The following LRIG1 variants were observed in gnomAD, a reference collection of about 807,000 sequenced individuals.
The protein encoded by LRIG1 is leucine-rich repeats and immunoglobulin-like domains protein 1.
In LRIG1, 48 loss-of-function variants were observed where a neutral mutation model predicts 99.2. The observed-to-expected ratio is 0.48, with a 90% CI of 0.38 to 0.62. LRIG1 has a LOEUF of 0.62. LRIG1 is among the 20% of genes least tolerant of loss of function. The pLI is 0.00. For synonymous variants in LRIG1, 772 were observed against 596.1 expected (o/e 1.29, Z -4.30); for missense variants, 1,646 against 1,434.4 (o/e 1.15, Z -2.38).
chr3:66,380,954 G>C (rs1484983362), intron 17 of LRIG1, 93 bp from the exon 18 acceptor site: 1 of 1,334,928 alleles, frequency 7.5e-7, no homozygotes, highest in Non-Finnish European at 1.0e-6. Flanking sequence ...ACTGTGCAAG[G>C]TGAGAACCCT....
intron 1 of LRIG1, among the ~76,000 whole-genome samples, chr3:66,477,196 GCA>G (rs998330243): frequency 1.3e-5 from 2 of 151,616 alleles, no homozygotes; most frequent in Admixed American, 6.6e-5. Flanking sequence ...AAGGTTGTTT[GCA>G]CAAACACTCC....
intron 3 of LRIG1, among the ~76,000 whole-genome samples, chr3:66,418,297 G>A (rs976413981): frequency 6.6e-6 from 1 of 152,126 alleles, no homozygotes; most frequent in African/African-American, 2.4e-5. Flanking sequence ...GTTTCACCGT[G>A]TTGGCCAGGA....
intron 3 of LRIG1, among the ~76,000 whole-genome samples, chr3:66,436,561 G>A (rs193154889): frequency 3.9e-5 from 6 of 152,226 alleles, no homozygotes; most frequent in East Asian, 3.9e-4. Context: ...GAAACACCAC[G>A]TCTCTCCCCC....
intron 3 of LRIG1, among the ~76,000 whole-genome samples, chr3:66,433,205 C>G (rs1046812109): frequency 9.2e-5 from 14 of 152,222 alleles, no homozygotes; most frequent in African/African-American, 3.1e-4. Flanking sequence ...ACCACCTACT[C>G]CAGAATCAGA....
chr3:66,451,826 A>G (rs1703913172), intron 2 of LRIG1, among the ~76,000 whole-genome samples, 193 bp from the exon 3 acceptor site: 1 of 152,228 alleles, frequency 6.6e-6, no homozygotes, highest in Non-Finnish European at 1.5e-5. Context: ...AAAACTAGCC[A>G]CTGATCACAC....
chr3:66,406,757 A>T (rs773756616), intron 8 of LRIG1, among the ~76,000 whole-genome samples: 2 of 152,166 alleles, frequency 1.3e-5, no homozygotes, highest in African/African-American at 2.4e-5. Flanking sequence ...TAGGGACTTC[A>T]AGGGAAATGG....
At chr3:66,473,121 T>C (rs996228236) in intron 1 of LRIG1, among the ~76,000 whole-genome samples, 8 of 152,146 alleles carry the variant, frequency 5.3e-5, no homozygotes, top group African/African-American at 1.9e-4. Flanking sequence ...AAAAGAGCAA[T>C]GTATAGGTTT....
In LRIG1 at chr3:66,456,936, G is replaced by A. The variant is rs966810635; in HGVS notation, c.291-5303C>T. On this transcript the variant is annotated intron_variant, in intron 2 of 18. Transcript: ENST00000273261. ...GAGCCTGCTGGCCAGGACCCCAGCT[G>A]GAGGCACTCCCTGGTGGGCTTTCCT... 9.2e-5 allele frequency among the ~76,000 whole-genome samples: 14 copies of A among 152,190 alleles called. 1 individual carries two copies.
Position 66,386,247 on chromosome 3 carries a change from A to G in LRIG1, c.1523T>C (p.Val508Ala). The change falls in exon 13 of 19, where the codon GTG (valine) becomes GCG (alanine). Residue 508 changes from valine to alanine, a missense_variant. By Grantham distance (64) the Val-to-Ala change is moderately conservative. Transcript: ENST00000273261. ...ITQPETTMAM[V>A]GKDIRFTCSA... Reference sequence around the variant, plus strand: ...GCATGTAAACCGGATGTCCTTGCCCACCATAGCCATGGTGGTTTCTGGCTG... The same window carrying G: ...GCATGTAAACCGGATGTCCTTGCCCGCCATAGCCATGGTGGTTTCTGGCTG... The G allele has an allele frequency of 6.2e-7, 1 of 1,614,110 alleles. No homozygotes were observed. Among genetic ancestry groups the G allele is most frequent in the Non-Finnish European group, 8.5e-7 (1 of 1,180,016 alleles).
chr3:66,427,452 C>T (rs551193131), intron 3 of LRIG1, among the ~76,000 whole-genome samples: 25 of 152,104 alleles, frequency 1.6e-4, no homozygotes, highest in Non-Finnish European at 2.9e-4. Flanking sequence ...ACTGCAAATG[C>T]CAAAAAACAT....
In LRIG1 at chr3:66,417,225, T is replaced by A. The variant is rs746966682; in HGVS notation, c.407A>T (p.Lys136Met). The A allele has an allele frequency of 2.5e-6, 4 of 1,614,178 alleles. No individual in the cohort carries two copies. The highest frequency in any genetic ancestry group is 3.4e-6 in the Non-Finnish European group (4 of 1,180,038). Residue 136 changes from lysine (K) to methionine (M), a missense_variant, in exon 4 of 19, where the codon AAG (lysine) becomes ATG (methionine). Transcript: ENST00000273261. ...TAACACTTCTAAGGAAAGGTAGGCCTTCAGCTGGCTCCCCTCCACGCTGCG... is the reference window on the plus strand; with the variant it reads ...TAACACTTCTAAGGAAAGGTAGGCCATCAGCTGGCTCCCCTCCACGCTGCG... The part of the protein sequence containing the change: ...KIRSVEGSQL[K>M]AYLSLEVLDL...
Position 66,451,644 on chromosome 3 carries a change from A to G in LRIG1, c.291-11T>C. ...TTATTATTGAGGTACCTGTAACAAC[A>G]ACAAGAAATTAATCATGTAAGGCAT... On this transcript the variant is annotated splice_polypyrimidine_tract_variant and intron_variant, in intron 2 of 18. Transcript: ENST00000273261. 6.2e-7 allele frequency: 1 copy of G among 1,606,532 alleles called. No homozygotes were observed. The highest frequency in any genetic ancestry group is 8.5e-7 in the Non-Finnish European group (1 of 1,173,330).
Position 66,463,770 on chromosome 3 carries a change from T to C in LRIG1, c.219-1261A>G, listed in dbSNP as rs139314590. Among the ~76,000 whole-genome samples the C allele has an allele frequency of 8.6e-3, 1,310 of 152,372 alleles. 14 individuals carry two copies. Among genetic ancestry groups the C allele is most frequent in the Non-Finnish European group, 0.014 (954 of 68,040 alleles). On this transcript the variant is annotated intron_variant, in intron 1 of 18. Coordinates refer to ENST00000273261, the MANE Select transcript of LRIG1 (RefSeq NM_015541.3). ...CTGTCTCAGAAAGTGTCACGTATTG[T>C]GGCAACAATCTTTTAAACTTACTCC...
At chr3:66,416,239 G>A (rs1187281113) in intron 4 of LRIG1, among the ~76,000 whole-genome samples, 2 of 152,178 alleles carry the variant, frequency 1.3e-5, no homozygotes, top group East Asian at 3.9e-4. Context: ...AAAAGCCAAG[G>A]CCTCCTGTTC....
intron 1 of LRIG1, among the ~76,000 whole-genome samples, chr3:66,484,301 A>C (rs890751463): frequency 1.3e-5 from 2 of 152,220 alleles, no homozygotes; most frequent in African/African-American, 4.8e-5. Context: ...ACGAGCATTT[A>C]ATGTGTCACA....
intron 2 of LRIG1, among the ~76,000 whole-genome samples, chr3:66,456,495 C>T (rs1045898681): frequency 6.6e-6 from 1 of 151,364 alleles, no homozygotes; most frequent in Non-Finnish European, 1.5e-5. Flanking sequence ...ATCGCTTGAG[C>T]CTGGGAATTT....
intron 2 of LRIG1, among the ~76,000 whole-genome samples, chr3:66,453,800 G>C (rs558775739): frequency 7.2e-5 from 11 of 152,298 alleles, no homozygotes; most frequent in African/African-American, 2.6e-4. Flanking sequence ...GCCAGCTTAG[G>C]ATCTCACTTG....
intron 11 of LRIG1, among the ~76,000 whole-genome samples, chr3:66,394,706 A>G (rs1701774766): frequency 6.6e-6 from 1 of 152,368 alleles, no homozygotes; most frequent in Non-Finnish European, 1.5e-5. Context: ...CAAATTCTGC[A>G]ACAAGTTCCG....
chr3:66,462,376 A>G, intron 2 of LRIG1, 62 bp downstream of exon 2: 2 of 1,245,376 alleles, frequency 1.6e-6, no homozygotes, highest in Non-Finnish European at 2.3e-6. Context: ...CTGCAATACA[A>G]GAGGATTTTC....
Sources: allele counts gnomAD v4.1 joint callset (sites outside exome capture counted in the v4.1 genomes callset), GRCh38; gene constraint gnomAD v4.1.1; transcripts MANE v1.5; gene names NCBI Gene and HGNC (gene_info 2026-07-23, HGNC 2026-07-21).